Variants in NIPAL3 observed in about 807,000 individuals in gnomAD.
NIPAL3 encodes NIPA-like protein 3.
In NIPAL3, 41 loss-of-function variants were observed where a neutral mutation model predicts 47.2. The ratio of observed to expected loss-of-function variants is 0.87; its 90% CI spans 0.68 to 1.13. The LOEUF (loss-of-function observed/expected upper bound fraction) is 1.13. NIPAL3 is among the 50% of genes most tolerant of loss of function. The pLI is 0.00. For synonymous variants in NIPAL3, 194 were observed against 209.6 expected (o/e 0.93, Z 0.64); for missense variants, 449 against 530.1 (o/e 0.85, Z 1.50).
At chr1:24,461,446 G>C (rs1197031393) in intron 10 of NIPAL3, among the ~76,000 whole-genome samples, 1 of 151,320 alleles carries the variant, frequency 6.6e-6, no homozygotes, top group Admixed American at 6.6e-5. Context: ...GGAGGCTGAG[G>C]CAGGAGAATC....
intron 2 of NIPAL3, among the ~76,000 whole-genome samples, chr1:24,434,833 G>C (rs1349716641): frequency 6.6e-6 from 1 of 151,840 alleles, no homozygotes; most frequent in Non-Finnish European, 1.5e-5. Context: ...TTAACAACAC[G>C]CTCCTAAATA....
intron 6 of NIPAL3, among the ~76,000 whole-genome samples, chr1:24,452,653 G>C (rs1157327179): frequency 6.6e-6 from 1 of 152,122 alleles, no homozygotes; most frequent in Non-Finnish European, 1.5e-5. Flanking sequence ...ATTCTACTCT[G>C]TGAAGCTTCA....
Position 24,464,069 on chromosome 1 carries a change from A to T in NIPAL3, c.970A>T (p.Arg324Trp), listed in dbSNP as rs777240040. The change falls in exon 11 of 12, where the codon AGG becomes TGG. Residue 324 changes from arginine (R) to tryptophan (W), a missense_variant. Arg to Trp is a moderately radical substitution (Grantham distance 101). Coordinates refer to ENST00000374399, the MANE Select transcript of NIPAL3 (RefSeq NM_020448.5). ...FLGVFLITRN[R>W]KKPIPFEPYI... ...GGGCGTCTTCTTAATCACGCGTAAC[A>T]GGAAGAAGCCCATTCCATTTGAGCC... is the stretch of plus-strand genomic sequence containing the variant. 1 of 1,613,606 alleles carries T rather than the reference A, an allele frequency of 6.2e-7. No homozygotes were observed. The highest frequency in any genetic ancestry group is 8.5e-7 in the Non-Finnish European group (1 of 1,179,630).
At chr1:24,423,437 G>A (rs926925461) in intron 2 of NIPAL3, among the ~76,000 whole-genome samples, 6 of 152,180 alleles carry the variant, frequency 3.9e-5, no homozygotes, top group African/African-American at 9.7e-5. Context: ...TCAGGAGATC[G>A]AGACCACGGT....
At chr1:24,433,759 A>G (rs16829663) in intron 2 of NIPAL3, among the ~76,000 whole-genome samples, 4,434 of 152,272 alleles carry the variant, frequency 0.029, 232 homozygotes, top group African/African-American at 0.1. Context: ...ATATTGGATG[A>G]TTAAGTTTTA....
intron 2 of NIPAL3, among the ~76,000 whole-genome samples, chr1:24,430,668 A>G (rs988864516): frequency 4.6e-5 from 7 of 152,210 alleles, no homozygotes; most frequent in Non-Finnish European, 8.8e-5. Context: ...GTTCAAAGCA[A>G]AGTACTGGAC....
intron 3 of NIPAL3, among the ~76,000 whole-genome samples, chr1:24,441,287 C>T (rs1047403548): frequency 6.6e-6 from 1 of 152,146 alleles, no homozygotes; most frequent in South Asian, 2.1e-4. Context: ...TTCTGTGTGT[C>T]GCTGAGACCA....
chr1:24,468,933 C>G, intron 11 of NIPAL3, 53 bp from the exon 12 acceptor site: 1 of 1,557,812 alleles, frequency 6.4e-7, no homozygotes, highest in Middle Eastern at 1.7e-4. Context: ...GAGATGCGGC[C>G]TCCTTGGCCC....
chr1:24,425,478 G>C (rs1459194327), intron 2 of NIPAL3, among the ~76,000 whole-genome samples: 1 of 152,100 alleles, frequency 6.6e-6, no homozygotes, highest in Non-Finnish European at 1.5e-5. Context: ...CTAGGAGGGA[G>C]GTGGGGAAGA....
Position 24,416,100 on chromosome 1 carries a change from G to A in NIPAL3, c.-258+196G>A, listed in dbSNP as rs914512829. 1.0e-6 allele frequency: 1 copy of A among 985,378 alleles called. No individual in the cohort carries two copies. Among genetic ancestry groups the A allele is most frequent in the Non-Finnish European group, 1.2e-6 (1 of 829,996 alleles). 61.0% of individuals were successfully genotyped at this position (985,378 alleles called of 1,614,324 possible). ...TCGAGGCCAAGAGGAGCGGGGGCATGGGCTACCTTACTAAAGGTGATGCCA... is the reference window on the plus strand; with the variant it reads ...TCGAGGCCAAGAGGAGCGGGGGCATAGGCTACCTTACTAAAGGTGATGCCA... On this transcript the variant is annotated intron_variant, in intron 1 of 11. Coordinates refer to ENST00000374399, the MANE Select transcript of NIPAL3 (RefSeq NM_020448.5). The surrounding 1 kb of genome is among the most constrained non-coding windows in gnomAD (Gnocchi z 4.8).
At chr1:24,445,636 C>T (rs1178470283) in intron 5 of NIPAL3, among the ~76,000 whole-genome samples, 2 of 152,106 alleles carry the variant, frequency 1.3e-5, no homozygotes, top group Non-Finnish European at 2.9e-5. Flanking sequence ...TTTAGGTGAG[C>T]TAGATTAAAG....
chr1:24,471,175 A>T lies in NIPAL3; in HGVS notation c.*1990A>T, dbSNP rs1432672448. 1 of 152,254 alleles carries T rather than the reference A, an allele frequency of 6.6e-6. No homozygotes were observed. Among genetic ancestry groups the T allele is most frequent in the Non-Finnish European group, 1.5e-5 (1 of 68,092 alleles). 9.4% of individuals were successfully genotyped at this position (152,254 alleles called of 1,614,324 possible). Reference sequence around the variant, plus strand: ...TGTATAAAGCATATAAAATAGGGTGATCACCCCCGAGGCAGAGGGGCCAGC... The same window carrying T: ...TGTATAAAGCATATAAAATAGGGTGTTCACCCCCGAGGCAGAGGGGCCAGC... On this transcript the variant is annotated 3_prime_UTR_variant, in exon 12 of 12. Coordinates refer to ENST00000374399, the MANE Select transcript of NIPAL3 (RefSeq NM_020448.5).
chr1:24,430,467 C>G (rs1644829754), intron 2 of NIPAL3, among the ~76,000 whole-genome samples: 1 of 152,128 alleles, frequency 6.6e-6, no homozygotes, highest in Non-Finnish European at 1.5e-5. Flanking sequence ...CCAGGCTGTT[C>G]CTGAACTCCT....
intron 2 of NIPAL3, among the ~76,000 whole-genome samples, chr1:24,422,804 C>T (rs1284177347): frequency 2.0e-5 from 3 of 152,230 alleles, no homozygotes; most frequent in Admixed American, 1.3e-4. Flanking sequence ...TTGGAGGTGT[C>T]CACGTGCTTC....
chr1:24,461,891 C>G (rs570935668), intron 10 of NIPAL3, among the ~76,000 whole-genome samples: 1 of 152,086 alleles, frequency 6.6e-6, no homozygotes, highest in Non-Finnish European at 1.5e-5. Context: ...TGGCCTTACC[C>G]TATAATCCAG....
In NIPAL3 at chr1:24,458,962, T is replaced by C. The variant is rs1056780263; in HGVS notation, c.848T>C (p.Ile283Thr). 8 of 1,613,840 alleles carry C rather than the reference T, an allele frequency of 5.0e-6. No individual in the cohort carries two copies. In the Admixed American group the frequency reaches 1.0e-4, roughly 20 times the overall value. ...GTGGGCTACATTCTGTCCACAACCA[T>C]TGCTATCACAGCAGGTAAGGGTGAC... ...ASVGYILSTT[I>T]AITAGAIFYL... Residue 283 changes from isoleucine to threonine, a missense_variant, in exon 9 of 12, where the codon ATT (isoleucine) becomes ACT (threonine). Transcript: ENST00000374399.
intron 8 of NIPAL3, among the ~76,000 whole-genome samples, chr1:24,458,436 C>G (rs1163959639): frequency 1.3e-5 from 2 of 152,098 alleles, no homozygotes; most frequent in Admixed American, 6.5e-5. Context: ...TTTCAGTGAT[C>G]ACATTATTTT....
In NIPAL3 at chr1:24,469,146, G is replaced by A. The variant is rs1231618971; in HGVS notation, c.1182G>A (p.Gly394=). 1 of 1,613,948 alleles carries A rather than the reference G, an allele frequency of 6.2e-7. No individual in the cohort carries two copies. Among genetic ancestry groups the A allele is most frequent in the South Asian group, 1.1e-5 (1 of 91,058 alleles). Residue 394 remains glycine (G), a synonymous_variant, in exon 12 of 12, where the codon GGG becomes GGA. Transcript: ENST00000374399. The stretch of plus-strand genomic sequence containing the variant: ...AGCACGGCTCCAGAAGTGCCTCTGG[G>A]GTCCCCTACCGAGTCCTAGAGCACA... ...QEEHGSRSAS[G]VPYRVLEHTK...
intron 2 of NIPAL3, among the ~76,000 whole-genome samples, chr1:24,429,881 A>G (rs959751398): frequency 3.3e-5 from 5 of 152,234 alleles, no homozygotes; most frequent in Non-Finnish European, 5.9e-5. Flanking sequence ...ATAAGAAAAG[A>G]TGTAGAATAG....
Sources: allele counts gnomAD v4.1 joint callset (sites outside exome capture counted in the v4.1 genomes callset), GRCh38; gene constraint gnomAD v4.1.1; non-coding constraint Gnocchi (gnomAD v3.1); transcripts MANE v1.5; gene names NCBI Gene and HGNC (gene_info 2026-07-23, HGNC 2026-07-21).